The following TRHDE variants were observed in gnomAD, a reference collection of about 807,000 sequenced individuals.
The protein encoded by TRHDE is thyrotropin-releasing hormone-degrading ectoenzyme.
Under a neutral mutation model 125.7 loss-of-function variants are expected in TRHDE, and 72 were observed. The observed-to-expected ratio is 0.57, with a 90% CI of 0.47 to 0.70. The LOEUF (loss-of-function observed/expected upper bound fraction) is 0.70. Among genes scored for constraint, TRHDE ranks in the 30% least tolerant of loss-of-function variants. TRHDE has a pLI of 0.00. For missense variants in TRHDE, 1,110 were observed against 1,327.1 expected, an observed-to-expected ratio of 0.84 and a Z score of 2.54; for synonymous variants, 509 against 509.1, an observed-to-expected ratio of 1.00 and a Z score of 0.00.
chr12:72,144,943 C>A, intron 2 of TRHDE, among the ~76,000 whole-genome samples: 1 of 152,128 alleles, frequency 6.6e-6, no homozygotes, highest in East Asian at 1.9e-4. Context: ...GAGCTTCTAT[C>A]CTGCCAGGGG....
intron 12 of TRHDE, among the ~76,000 whole-genome samples, chr12:72,590,146 A>G (rs916077425): frequency 4.0e-5 from 6 of 149,018 alleles, no homozygotes; most frequent in Non-Finnish European, 9.0e-5. Flanking sequence ...TTACTCAAGT[A>G]TATTACTTTA....
At chr12:72,362,569 T>G (rs1282775106) in intron 2 of TRHDE, among the ~76,000 whole-genome samples, 3 of 150,924 alleles carry the variant, frequency 2.0e-5, no homozygotes, top group African/African-American at 7.3e-5. Context: ...TTAGTTTAAT[T>G]AGATCCCATT....
upstream of TRHDE, among the ~76,000 whole-genome samples, chr12:72,271,643 C>G (rs1879215261): frequency 1.3e-5 from 2 of 152,140 alleles, no homozygotes; most frequent in African/African-American, 2.4e-5. Context: ...GCTCCCTCTC[C>G]TTTGCCTTTC....
intron 18 of TRHDE, among the ~76,000 whole-genome samples, chr12:72,657,644 AC>A (rs1241039351): frequency 6.6e-6 from 1 of 152,160 alleles, no homozygotes; most frequent in Non-Finnish European, 1.5e-5. Flanking sequence ...GGAGTATCTA[AC>A]ATTTCCTTAC....
At chr12:72,394,759 G>A (rs911811343) in intron 3 of TRHDE, among the ~76,000 whole-genome samples, 22 of 152,096 alleles carry the variant, frequency 1.4e-4, no homozygotes, top group Non-Finnish European at 5.9e-5. Context: ...ATTGTTGAGA[G>A]CGAATTCCAG....
At chr12:72,391,702 A>T (rs1310193087) in intron 3 of TRHDE, among the ~76,000 whole-genome samples, 1 of 152,190 alleles carries the variant, frequency 6.6e-6, no homozygotes, top group Non-Finnish European at 1.5e-5. Flanking sequence ...CTTCTTAAAT[A>T]CATTGAGATA....
chr12:72,226,143 T>A (rs942781695), intron 2 of TRHDE, among the ~76,000 whole-genome samples: 3 of 152,204 alleles, frequency 2.0e-5, no homozygotes, highest in African/African-American at 7.2e-5. Flanking sequence ...CTCCTTTATT[T>A]CCACAGGATT....
Position 72,669,334 on chromosome 12 carries a change from T to TA in TRHDE, c.*6142dup. On this transcript the variant is annotated 3_prime_UTR_variant, in exon 19 of 19. Coordinates refer to ENST00000261180, the MANE Select transcript of TRHDE (RefSeq NM_013381.3). ...ATGGACTGCAATTGCTTAATTTACT[T>TA]AAACTTAACATTTTCAATGGGTTTG... 1 of 151,836 alleles carries TA rather than the reference T, an allele frequency of 6.6e-6. No individual in the cohort carries two copies. The highest frequency in any genetic ancestry group is 1.5e-5 in the Non-Finnish European group (1 of 67,870). 9.4% of individuals were successfully genotyped at this position (151,836 alleles called of 1,614,324 possible). A position where few individuals can be genotyped will look rare whatever the true frequency, so the allele number is the denominator to read the frequency against.
chr12:72,545,434 C>A (rs1869799493), intron 7 of TRHDE, among the ~76,000 whole-genome samples: 1 of 151,388 alleles, frequency 6.6e-6, no homozygotes, highest in Admixed American at 6.6e-5. Context: ...TGTAAGATTC[C>A]TTTTATCTTT....
chr12:72,272,365 C>T (rs965848799), upstream of TRHDE: 4 of 369,720 alleles, frequency 1.1e-5, no homozygotes, highest in Admixed American at 7.5e-5. The surrounding 1 kb of genome is among the most constrained non-coding windows in gnomAD (Gnocchi z 6.7). Flanking sequence ...GCCGGGTGCT[C>T]GTCCGAGAAG....
intron 3 of TRHDE, among the ~76,000 whole-genome samples, chr12:72,378,346 T>A (rs1406895111): frequency 2.6e-5 from 4 of 152,176 alleles, no homozygotes; most frequent in Non-Finnish European, 1.5e-5. Context: ...TTATGTTAGT[T>A]TAGGATTCCA....
chr12:72,606,636 C>G (rs1390525920), intron 12 of TRHDE, among the ~76,000 whole-genome samples: 1 of 152,120 alleles, frequency 6.6e-6, no homozygotes, highest in Non-Finnish European at 1.5e-5. Context: ...CATAGGAAGG[C>G]TTTATGATAC....
chr12:72,494,494 G>A (rs909239984), intron 5 of TRHDE, among the ~76,000 whole-genome samples: 9 of 151,888 alleles, frequency 5.9e-5, no homozygotes, highest in Non-Finnish European at 1.5e-5. Context: ...CTTTTTGGTT[G>A]GTTGTTTTTT....
chr12:72,549,512 T>G (rs1869573059), intron 7 of TRHDE, among the ~76,000 whole-genome samples: 2 of 151,842 alleles, frequency 1.3e-5, no homozygotes, highest in Non-Finnish European at 2.9e-5. Context: ...CTCCTAGTTT[T>G]GCTTAAAATG....
At chr12:72,325,812 G>C (rs1411431024) in intron 2 of TRHDE, among the ~76,000 whole-genome samples, 1 of 152,082 alleles carries the variant, frequency 6.6e-6, no homozygotes, top group Non-Finnish European at 1.5e-5. Flanking sequence ...ATTAGGTTTG[G>C]GGTTTTTTTT....
intron 6 of TRHDE, among the ~76,000 whole-genome samples, chr12:72,521,804 C>T (rs1308429664): frequency 6.6e-6 from 1 of 152,186 alleles, no homozygotes; most frequent in Non-Finnish European, 1.5e-5. Flanking sequence ...CAGCAGGAAC[C>T]TTGCTACTAA....
intron 3 of TRHDE, among the ~76,000 whole-genome samples, chr12:72,395,884 C>T (rs1872767382): frequency 6.6e-6 from 1 of 152,110 alleles, no homozygotes; most frequent in Non-Finnish European, 1.5e-5. Flanking sequence ...ATACTCTTCC[C>T]TTCCTCAATC....
At chr12:72,445,110 T>A (rs1875213394) in intron 3 of TRHDE, among the ~76,000 whole-genome samples, 1 of 151,826 alleles carries the variant, frequency 6.6e-6, no homozygotes. Context: ...AAATACTCAA[T>A]GACCAAGAAT....
intron 2 of TRHDE, among the ~76,000 whole-genome samples, chr12:72,315,568 G>A (rs1868759659): frequency 6.6e-6 from 1 of 152,148 alleles, no homozygotes; most frequent in Non-Finnish European, 1.5e-5. Context: ...TAAAATTATG[G>A]TATGCACTTT....
Sources: allele counts gnomAD v4.1 joint callset (sites outside exome capture counted in the v4.1 genomes callset), GRCh38; gene constraint gnomAD v4.1.1; non-coding constraint Gnocchi (gnomAD v3.1); transcripts MANE v1.5; gene names NCBI Gene and HGNC (gene_info 2026-07-23, HGNC 2026-07-21).